The following TMUB1 variants were observed in gnomAD, a reference collection of about 807,000 sequenced individuals.
TMUB1 encodes the protein transmembrane and ubiquitin like domain containing 1, also known as transmembrane and ubiquitin-like domain-containing protein 1.
Under a neutral mutation model 16.2 loss-of-function variants are expected in TMUB1, and 9 were observed. That is an observed-to-expected ratio of 0.55 (90% CI 0.33 to 0.97). The LOEUF (loss-of-function observed/expected upper bound fraction) is 0.97, where lower values mean the gene tolerates loss of function less well. Ranked by LOEUF, TMUB1 falls within the 50% of genes least tolerant of loss-of-function variation. The pLI is 0.03. For synonymous variants in TMUB1, 155 were observed against 152.2 expected (o/e 1.02, Z -0.13); for missense variants, 309 against 313.5 (o/e 0.99, Z 0.11).
In TMUB1 at chr7:151,081,758, G is replaced by C; in HGVS notation, c.532C>G (p.Pro178Ala). 6.3e-7 allele frequency: 1 copy of C among 1,593,810 alleles called. No individual in the cohort carries two copies. Among genetic ancestry groups the C allele is most frequent in the Non-Finnish European group, 8.5e-7 (1 of 1,171,630 alleles). ...GACCCCGGCGGGCAGGGGGGATTTGGGGGACCGACTCTCGTGGACACGTGG... is the reference window on the plus strand; with the variant it reads ...GACCCCGGCGGGCAGGGGGGATTTGCGGGACCGACTCTCGTGGACACGTGG... ...HCHVSTRVGPPNPPCPPGSEP... is the reference protein window; with the variant it reads ...HCHVSTRVGPANPPCPPGSEP... Residue 178 changes from proline to alanine, a missense_variant, in exon 3 of 3, where the codon CCA becomes GCA. Transcript: ENST00000297533. The surrounding 1 kb of genome is among the most constrained non-coding windows in gnomAD (Gnocchi z 7.6).
chr7:151,082,074 A>G lies in TMUB1; in HGVS notation c.389+101T>C. The G allele has an allele frequency of 7.0e-7, 1 of 1,438,084 alleles. No individual in the cohort carries two copies. The highest frequency in any genetic ancestry group is 1.5e-5 in the South Asian group (1 of 66,102). The allele number at this position is 1,438,084 out of a possible 1,614,324, so 89.1% of individuals were successfully genotyped here. ...GTGATCTGGGGCGCTCAGCGCCTCC[A>G]GTATAAAGGAGGGCTGGGTCTTAGG... On this transcript the variant is annotated intron_variant, in intron 2 of 2. Coordinates refer to ENST00000297533, the MANE Select transcript of TMUB1 (RefSeq NM_001136044.2). This position sits in a 1 kb window ranked among gnomAD's most constrained non-coding sequence, Gnocchi z 7.0.
chr7:151,082,110 G>A lies in TMUB1; in HGVS notation c.389+65C>T, dbSNP rs1798008618. ...GGGCTGGGTCTTAGGTGTCTCTGGG[G>A]GCCTTCTGCGACCACTCTCCCAACC... On this transcript the variant is annotated intron_variant, in intron 2 of 2. Coordinates refer to ENST00000297533, the MANE Select transcript of TMUB1 (RefSeq NM_001136044.2). The surrounding 1 kb of genome is among the most constrained non-coding windows in gnomAD (Gnocchi z 7.0). 6.7e-7 allele frequency: 1 copy of A among 1,483,788 alleles called. No homozygotes were observed. 91.9% of individuals were successfully genotyped at this position (1,483,788 alleles called of 1,614,324 possible).
Position 151,083,480 on chromosome 7 carries a change from C to A in TMUB1, c.-77G>T, listed in dbSNP as rs1798047026. ...TCGCGGCCCCTCGGGCACTTCCGGG[C>A]GGGAGGCGCGGAGGTCGCAGGCACC... On this transcript the variant is annotated 5_prime_UTR_variant, in exon 1 of 3. Coordinates refer to ENST00000297533, the MANE Select transcript of TMUB1 (RefSeq NM_001136044.2). The surrounding 1 kb of genome is among the most constrained non-coding windows in gnomAD (Gnocchi z 5.9). 6.6e-6 allele frequency: 1 copy of A among 152,184 alleles called. No individual in the cohort carries two copies. The highest frequency in any genetic ancestry group is 2.1e-4 in the South Asian group (1 of 4,832). 9.4% of individuals were successfully genotyped at this position (152,184 alleles called of 1,614,324 possible). A position where few individuals can be genotyped will look rare whatever the true frequency, so the allele number is the denominator to read the frequency against.
chr7:151,082,034 G>A lies in TMUB1; in HGVS notation c.390-134C>T, dbSNP rs1431060983. 7.1e-7 allele frequency: 1 copy of A among 1,404,064 alleles called. No individual in the cohort carries two copies. Among genetic ancestry groups the A allele is most frequent in the Non-Finnish European group, 9.5e-7 (1 of 1,056,950 alleles). 87.0% of individuals were successfully genotyped at this position (1,404,064 alleles called of 1,614,324 possible). A position where few individuals can be genotyped will look rare whatever the true frequency, so the allele number is the denominator to read the frequency against. ...GGCCTGGGAGGGGCCGTCTGCCAGG[G>A]GAACAAGTACAGTTGTGATCTGGGG... On this transcript the variant is annotated intron_variant, in intron 2 of 2. Transcript: ENST00000297533. This position sits in a 1 kb window ranked among gnomAD's most constrained non-coding sequence, Gnocchi z 7.0.
In TMUB1 at chr7:151,082,117, T is replaced by C; in HGVS notation, c.389+58A>G. 6.7e-7 allele frequency: 1 copy of C among 1,488,632 alleles called. No individual in the cohort carries two copies. Among genetic ancestry groups the C allele is most frequent in the East Asian group, 2.4e-5 (1 of 41,764 alleles). The allele number at this position is 1,488,632 out of a possible 1,614,324, so 92.2% of individuals were successfully genotyped here. A position where few individuals can be genotyped will look rare whatever the true frequency, so the allele number is the denominator to read the frequency against. ...GTCTTAGGTGTCTCTGGGGGCCTTC[T>C]GCGACCACTCTCCCAACCCCTGTCT... On this transcript the variant is annotated intron_variant, in intron 2 of 2. Transcript: ENST00000297533. This position sits in a 1 kb window ranked among gnomAD's most constrained non-coding sequence, Gnocchi z 7.0.
chr7:151,081,561 C>T lies in TMUB1; in HGVS notation c.729G>A (p.Met243Ile), dbSNP rs1367597931. The T allele has an allele frequency of 1.2e-6, 2 of 1,601,410 alleles. No individual in the cohort carries two copies. Among genetic ancestry groups the T allele is most frequent in the South Asian group, 1.1e-5 (1 of 89,826 alleles). The change falls in exon 3 of 3, where the codon ATG becomes ATA. Residue 243 changes from methionine (M) to isoleucine (I), a missense_variant. By Grantham distance (10) the Met-to-Ile change is conservative. Coordinates refer to ENST00000297533, the MANE Select transcript of TMUB1 (RefSeq NM_001136044.2). The surrounding 1 kb of genome is among the most constrained non-coding windows in gnomAD (Gnocchi z 7.6). ...GCCCGCGGAGGCACTACGGGCGGTA[C>T]ATGGCAAAGGCCAGGAGACTGAGGA... Reference protein sequence around the residue: ...TLLLSLLAFAMYRP With the variant: ...TLLLSLLAFAIYRP
At position 151,083,338 on chromosome 7, in the gene TMUB1, C is replaced by T. The variant is rs1798044887; in HGVS notation, c.-31+96G>A. ...CCCCACCTCTCATCACCCCTCCCAC[C>T]TTCCCGCCCCCCGAAGCCGCAGGAG... On this transcript the variant is annotated intron_variant, in intron 1 of 2. Transcript: ENST00000297533. This position sits in a 1 kb window ranked among gnomAD's most constrained non-coding sequence, Gnocchi z 5.9. The T allele has an allele frequency of 6.6e-6, 1 of 151,810 alleles. No homozygotes were observed. The highest frequency in any genetic ancestry group is 1.5e-5 in the Non-Finnish European group (1 of 67,860). 9.4% of individuals were successfully genotyped at this position (151,810 alleles called of 1,614,324 possible).
chr7:151,081,502 G>T lies in TMUB1; in HGVS notation c.*47C>A. 11 of 1,462,116 alleles carry T rather than the reference G, an allele frequency of 7.5e-6. No homozygotes were observed. The highest frequency in any genetic ancestry group is 9.9e-6 in the Non-Finnish European group (11 of 1,106,692). The allele number at this position is 1,462,116 out of a possible 1,614,324, so 90.6% of individuals were successfully genotyped here. On this transcript the variant is annotated 3_prime_UTR_variant, in exon 3 of 3. Transcript: ENST00000297533. This position sits in a 1 kb window ranked among gnomAD's most constrained non-coding sequence, Gnocchi z 7.6. ...AGCAGCTCCCGCCGCGGCGCGGGGA[G>T]CAAGGTCCGGAGGGGCCGGCGACGC...
chr7:151,081,575 G>A lies in TMUB1; in HGVS notation c.715C>T (p.Leu239=), dbSNP rs1797987008. 1.2e-6 allele frequency: 2 copies of A among 1,606,918 alleles called. No homozygotes were observed. Among genetic ancestry groups the A allele is most frequent in the Admixed American group, 1.7e-5 (1 of 59,480 alleles). ...TACGGGCGGTACATGGCAAAGGCCAGGAGACTGAGGAGCAGGGTGAAGCCG... is the reference window on the plus strand; with the variant it reads ...TACGGGCGGTACATGGCAAAGGCCAAGAGACTGAGGAGCAGGGTGAAGCCG... ...LAGFTLLLSL[L]AFAMYRP The change falls in exon 3 of 3, where the codon CTG becomes TTG. Residue 239 remains leucine (L), a synonymous_variant. Transcript: ENST00000297533. This position sits in a 1 kb window ranked among gnomAD's most constrained non-coding sequence, Gnocchi z 7.6.
Position 151,082,040 on chromosome 7 carries a change from A to G in TMUB1, c.389+135T>C. 7.1e-7 allele frequency: 1 copy of G among 1,403,152 alleles called. No homozygotes were observed. The highest frequency in any genetic ancestry group is 1.6e-5 in the South Asian group (1 of 64,336). 86.9% of individuals were successfully genotyped at this position (1,403,152 alleles called of 1,614,324 possible). On this transcript the variant is annotated intron_variant, in intron 2 of 2. Transcript: ENST00000297533. This position sits in a 1 kb window ranked among gnomAD's most constrained non-coding sequence, Gnocchi z 7.0. ...GGAGGGGCCGTCTGCCAGGGGAACAAGTACAGTTGTGATCTGGGGCGCTCA... is the reference window on the plus strand; with the variant it reads ...GGAGGGGCCGTCTGCCAGGGGAACAGGTACAGTTGTGATCTGGGGCGCTCA...
chr7:151,081,997 C>CA lies in TMUB1; in HGVS notation c.390-98dup. The CA allele has an allele frequency of 2.1e-6, 3 of 1,404,310 alleles. No homozygotes were observed. The highest frequency in any genetic ancestry group is 2.8e-6 in the Non-Finnish European group (3 of 1,057,520). 87.0% of individuals were successfully genotyped at this position (1,404,310 alleles called of 1,614,324 possible). ...CCCACCCTCCCCCTGCCCTCCACAA[C>CA]ACACCGGCCCTGGCCTGGGAGGGGC... On this transcript the variant is annotated intron_variant, in intron 2 of 2. Coordinates refer to ENST00000297533, the MANE Select transcript of TMUB1 (RefSeq NM_001136044.2). The surrounding 1 kb of genome is among the most constrained non-coding windows in gnomAD (Gnocchi z 7.6).
Position 151,081,090 on chromosome 7 carries a change from ACTT to A in TMUB1, c.*456_*458del. On this transcript the variant is annotated 3_prime_UTR_variant, in exon 3 of 3. Coordinates refer to ENST00000297533, the MANE Select transcript of TMUB1 (RefSeq NM_001136044.2). The surrounding 1 kb of genome is among the most constrained non-coding windows in gnomAD (Gnocchi z 7.6). ...ACTCAGACACACTGCAAGAGTGAAA[ACTT>A]CACAGTTACTTTAATCTGCACGGGT... is the stretch of plus-strand genomic sequence containing the variant. 1 of 290,538 alleles carries A rather than the reference ACTT, an allele frequency of 3.4e-6. No individual in the cohort carries two copies. The allele number at this position is 290,538 out of a possible 1,614,324, so 18.0% of individuals were successfully genotyped here. A position where few individuals can be genotyped will look rare whatever the true frequency, so the allele number is the denominator to read the frequency against.
At position 151,081,327 on chromosome 7, in the gene TMUB1, C is replaced by T; in HGVS notation, c.*222G>A. 1.3e-6 allele frequency: 1 copy of T among 757,418 alleles called. No individual in the cohort carries two copies. Among genetic ancestry groups the T allele is most frequent in the Non-Finnish European group, 1.7e-6 (1 of 575,664 alleles). The allele number at this position is 757,418 out of a possible 1,614,324, so 46.9% of individuals were successfully genotyped here. A position where few individuals can be genotyped will look rare whatever the true frequency, so the allele number is the denominator to read the frequency against. ...GACCCCGAGGAGCCCACTCCCAGTG[C>T]GGGCTGAGGGTCAGCAGCCCCGGGA... On this transcript the variant is annotated 3_prime_UTR_variant, in exon 3 of 3. Transcript: ENST00000297533. This position sits in a 1 kb window ranked among gnomAD's most constrained non-coding sequence, Gnocchi z 7.6.
chr7:151,082,021 G>T lies in TMUB1; in HGVS notation c.390-121C>A, dbSNP rs1460915103. On this transcript the variant is annotated intron_variant, in intron 2 of 2. Transcript: ENST00000297533. The surrounding 1 kb of genome is among the most constrained non-coding windows in gnomAD (Gnocchi z 7.0). ...ACACACCGGCCCTGGCCTGGGAGGG[G>T]CCGTCTGCCAGGGGAACAAGTACAG... 1 of 1,391,388 alleles carries T rather than the reference G, an allele frequency of 7.2e-7. No individual in the cohort carries two copies. Among genetic ancestry groups the T allele is most frequent in the Non-Finnish European group, 9.5e-7 (1 of 1,047,318 alleles). 86.2% of individuals were successfully genotyped at this position (1,391,388 alleles called of 1,614,324 possible). A position where few individuals can be genotyped will look rare whatever the true frequency, so the allele number is the denominator to read the frequency against.
At position 151,082,201 on chromosome 7, in the gene TMUB1, G is replaced by T; in HGVS notation, c.363C>A (p.Pro121=). ...TTTTCAAGGAGCCAATGGTGTCGTG[G>T]GGCCAGGCCCTGGCCACCTGCTCTG... The part of the protein sequence containing the change: ...NDSEQVARAW[P]HDTIGSLKRT... The change falls in exon 2 of 3, where the codon CCC becomes CCA. Residue 121 remains proline (P), a synonymous_variant. Coordinates refer to ENST00000297533, the MANE Select transcript of TMUB1 (RefSeq NM_001136044.2). The surrounding 1 kb of genome is among the most constrained non-coding windows in gnomAD (Gnocchi z 7.0). 1 of 1,513,404 alleles carries T rather than the reference G, an allele frequency of 6.6e-7. No homozygotes were observed. The highest frequency in any genetic ancestry group is 8.9e-7 in the Non-Finnish European group (1 of 1,129,442). The allele number at this position is 1,513,404 out of a possible 1,614,324, so 93.7% of individuals were successfully genotyped here.
rs754064689 is a variant in TMUB1, at chr7:151,082,134, C to T, written c.389+41G>A. The T allele has an allele frequency of 1.0e-5, 15 of 1,496,250 alleles. No homozygotes were observed. Among genetic ancestry groups the T allele is most frequent in the Admixed American group, 7.1e-5 (3 of 42,038 alleles). The allele number at this position is 1,496,250 out of a possible 1,614,324, so 92.7% of individuals were successfully genotyped here. Reference sequence around the variant, plus strand: ...GGGCCTTCTGCGACCACTCTCCCAACCCCTGTCTTTAGCATTGCTCCTGCC... The same window carrying T: ...GGGCCTTCTGCGACCACTCTCCCAATCCCTGTCTTTAGCATTGCTCCTGCC... On this transcript the variant is annotated intron_variant, in intron 2 of 2. Coordinates refer to ENST00000297533, the MANE Select transcript of TMUB1 (RefSeq NM_001136044.2). This position sits in a 1 kb window ranked among gnomAD's most constrained non-coding sequence, Gnocchi z 7.0.
chr7:151,082,078 T>C lies in TMUB1; in HGVS notation c.389+97A>G. 2.7e-6 allele frequency: 4 copies of C among 1,457,922 alleles called. No individual in the cohort carries two copies. In the South Asian group the frequency reaches 5.9e-5, roughly 22 times the overall value. 90.3% of individuals were successfully genotyped at this position (1,457,922 alleles called of 1,614,324 possible). On this transcript the variant is annotated intron_variant, in intron 2 of 2. Coordinates refer to ENST00000297533, the MANE Select transcript of TMUB1 (RefSeq NM_001136044.2). This position sits in a 1 kb window ranked among gnomAD's most constrained non-coding sequence, Gnocchi z 7.0. ...TCTGGGGCGCTCAGCGCCTCCAGTATAAAGGAGGGCTGGGTCTTAGGTGTC... is the reference window on the plus strand; with the variant it reads ...TCTGGGGCGCTCAGCGCCTCCAGTACAAAGGAGGGCTGGGTCTTAGGTGTC...
Position 151,081,680 on chromosome 7 carries a change from G to A in TMUB1, c.610C>T (p.Leu204Phe). The change falls in exon 3 of 3, where the codon CTC becomes TTC. Residue 204 changes from leucine (L) to phenylalanine (F), a missense_variant. Physicochemically the swap from Leu to Phe is conservative, Grantham distance 22. Transcript: ENST00000297533. The surrounding 1 kb of genome is among the most constrained non-coding windows in gnomAD (Gnocchi z 7.6). ...EIGSLLLPLL[L>F]LLLLLLWYCQ... ...TACCAGAGCAGCAGCAACAGCAGGA[G>A]CAGCAGGGGCAGCAGCAGGCTGCCG... is the stretch of plus-strand genomic sequence containing the variant. 1.9e-6 allele frequency: 3 copies of A among 1,585,788 alleles called. No individual in the cohort carries two copies. The highest frequency in any genetic ancestry group is 2.6e-6 in the Non-Finnish European group (3 of 1,166,448).
In TMUB1 at chr7:151,081,972, C is replaced by T; in HGVS notation, c.390-72G>A. 3 of 1,421,372 alleles carry T rather than the reference C, an allele frequency of 2.1e-6. No individual in the cohort carries two copies. Among genetic ancestry groups the T allele is most frequent in the Non-Finnish European group, 1.9e-6 (2 of 1,072,682 alleles). 88.0% of individuals were successfully genotyped at this position (1,421,372 alleles called of 1,614,324 possible). The stretch of plus-strand genomic sequence containing the variant: ...TAGTCCCTGGCCCCGGAACAGCACT[C>T]CCACCCTCCCCCTGCCCTCCACAAC... On this transcript the variant is annotated intron_variant, in intron 2 of 2. Coordinates refer to ENST00000297533, the MANE Select transcript of TMUB1 (RefSeq NM_001136044.2). The surrounding 1 kb of genome is among the most constrained non-coding windows in gnomAD (Gnocchi z 7.6).
Sources: gnomAD v4.1 joint callset for allele counts on GRCh38, gnomAD v4.1.1 for gene constraint, Gnocchi (gnomAD v3.1) non-coding constraint, MANE v1.5 for transcripts, NCBI Gene and HGNC (gene_info 2026-07-23, HGNC 2026-07-21) for gene names.